The following TENM4 variants were observed in gnomAD, a reference collection of about 807,000 sequenced individuals.
TENM4 encodes teneurin transmembrane protein 4.
A neutral mutation model predicts 243.3 loss-of-function variants in TENM4; 82 were observed. That is an observed-to-expected ratio of 0.34 (90% CI 0.28 to 0.40). The LOEUF is 0.40. TENM4 is among the 10% of genes least tolerant of loss of function. The pLI is 1.00. For missense variants in TENM4, 3,138 were observed against 3,673.3 expected (o/e 0.85, Z 3.77); for synonymous variants, 1,412 against 1,456.3 (o/e 0.97, Z 0.69).
At chr11:78,661,659 TCA>T in intron 32 of TENM4, 68 bp from the exon 33 acceptor site, 1 of 1,572,444 alleles carries the variant, frequency 6.4e-7, no homozygotes, top group Non-Finnish European at 8.6e-7. Flanking sequence ...CATCCCCATC[TCA>T]CAGCCTACAG....
At chr11:79,003,373 A>G (rs1858385263) in intron 6 of TENM4, among the ~76,000 whole-genome samples, 1 of 145,396 alleles carries the variant, frequency 6.9e-6, no homozygotes, top group South Asian at 2.2e-4. Context: ...GGTCAAAATG[A>G]AAAAAAAAAA....
intron 1 of TENM4, among the ~76,000 whole-genome samples, chr11:79,310,571 G>A (rs1355996961): frequency 1.3e-5 from 2 of 152,128 alleles, no homozygotes; most frequent in African/African-American, 4.8e-5. Flanking sequence ...GAGAAGAGAA[G>A]GCAGGACTGA....
intron 2 of TENM4, among the ~76,000 whole-genome samples, chr11:79,225,205 C>A (rs1411271127): frequency 2.0e-5 from 3 of 152,106 alleles, no homozygotes; most frequent in African/African-American, 7.2e-5. Flanking sequence ...CACTTTGTTC[C>A]GTCAGCCCTA....
At chr11:78,749,546 G>A (rs1007916446) in intron 19 of TENM4, among the ~76,000 whole-genome samples, 1 of 152,080 alleles carries the variant, frequency 6.6e-6, no homozygotes, top group Non-Finnish European at 1.5e-5. Flanking sequence ...CTAAAGCCTG[G>A]GTGGAGGTGT....
In TENM4 at chr11:78,903,441, G is replaced by C; in HGVS notation, c.576C>G (p.His192Gln). The change falls in exon 7 of 34, where the codon CAC (histidine) becomes CAG (glutamine). Residue 192 changes from histidine (H) to glutamine (Q), a missense_variant. Transcript: ENST00000278550. ...TCAGGGAGTTAATGGAGGCCGCGTG[G>C]TGCTGGTTGGGGGTGTGGGCGTGCG... Reference protein sequence around the residue: ...PLSHAHTPNQHHAASINSLNR... With the variant: ...PLSHAHTPNQQHAASINSLNR... 3 of 1,548,486 alleles carry C rather than the reference G, an allele frequency of 1.9e-6. No individual in the cohort carries two copies. The South Asian group carries it at 3.6e-5, about 18-fold the overall frequency.
At chr11:78,705,789 C>T (rs1442532402) in intron 27 of TENM4, among the ~76,000 whole-genome samples, 1 of 152,208 alleles carries the variant, frequency 6.6e-6, no homozygotes, top group Non-Finnish European at 1.5e-5. Context: ...TCCAGTTCCA[C>T]AATTGCTACA....
chr11:79,377,504 A>G (rs925876959), intron 1 of TENM4, among the ~76,000 whole-genome samples: 1 of 152,128 alleles, frequency 6.6e-6, no homozygotes, highest in African/African-American at 2.4e-5. Flanking sequence ...TCCCTAGCTG[A>G]TAAGATGGGA....
At chr11:78,975,729 A>G (rs1478753588) in intron 6 of TENM4, among the ~76,000 whole-genome samples, 1 of 149,252 alleles carries the variant, frequency 6.7e-6, no homozygotes, top group Non-Finnish European at 1.5e-5. Flanking sequence ...CTACTCAGAT[A>G]CTGGAGGAAT....
At chr11:79,140,151 C>T (rs1041757133) in intron 4 of TENM4, among the ~76,000 whole-genome samples, 14 of 152,016 alleles carry the variant, frequency 9.2e-5, no homozygotes, top group Non-Finnish European at 2.1e-4. Flanking sequence ...TCCCCAGAAT[C>T]ATAGGCAGTT....
intron 1 of TENM4, among the ~76,000 whole-genome samples, chr11:79,334,482 A>C (rs1012820096): frequency 6.6e-6 from 1 of 152,130 alleles, no homozygotes; most frequent in South Asian, 2.1e-4. Context: ...ACTTTCTAAC[A>C]CAGGGTCCTG....
chr11:78,816,543 T>C (rs1235492857), intron 12 of TENM4, among the ~76,000 whole-genome samples: 3 of 152,222 alleles, frequency 2.0e-5, no homozygotes, highest in Non-Finnish European at 4.4e-5. Flanking sequence ...GAGAATTCTA[T>C]AACTTTCAGA....
chr11:79,018,394 T>C (rs1285212819), intron 6 of TENM4, among the ~76,000 whole-genome samples: 1 of 152,038 alleles, frequency 6.6e-6, no homozygotes, highest in African/African-American at 2.4e-5. Flanking sequence ...TGCTTAAGGA[T>C]CAAGGTTGCT....
At chr11:78,903,192 C>T in intron 7 of TENM4, 76 bp downstream of exon 7, 3 of 1,438,688 alleles carry the variant, frequency 2.1e-6, no homozygotes, top group Non-Finnish European at 2.7e-6. Flanking sequence ...ACTGAATGGC[C>T]CCGCCAGCCA....
At chr11:78,708,972 T>TC (rs1565343118) in intron 26 of TENM4, among the ~76,000 whole-genome samples, 2 of 142,552 alleles carry the variant, frequency 1.4e-5, no homozygotes, top group African/African-American at 2.9e-5. Flanking sequence ...TTTCTTTCTT[T>TC]TTTTTTTTTT....
intron 4 of TENM4, among the ~76,000 whole-genome samples, chr11:79,098,706 G>A (rs1290377732): frequency 3.3e-5 from 5 of 152,226 alleles, no homozygotes; most frequent in African/African-American, 1.2e-4. Context: ...CTGGGCAAGC[G>A]ATGGGTCTTC....
chr11:79,430,250 G>T (rs1160709923), intron 1 of TENM4, among the ~76,000 whole-genome samples: 1 of 151,844 alleles, frequency 6.6e-6, no homozygotes, highest in African/African-American at 2.4e-5. Context: ...TCCTTGAGAG[G>T]AACAAGTAGC....
intron 3 of TENM4, among the ~76,000 whole-genome samples, chr11:79,160,689 T>C (rs1862725110): frequency 6.6e-6 from 1 of 152,184 alleles, no homozygotes; most frequent in South Asian, 2.1e-4. Context: ...GAATAAGTTG[T>C]CAGCAATATC....
chr11:79,047,827 C>T (rs182729815), intron 6 of TENM4, among the ~76,000 whole-genome samples: 6 of 151,992 alleles, frequency 3.9e-5, no homozygotes, highest in Admixed American at 1.3e-4. Flanking sequence ...AATTTTATAG[C>T]GATTTTAAGA....
At chr11:78,737,923 C>T (rs188448645) in intron 20 of TENM4, among the ~76,000 whole-genome samples, 38 of 152,310 alleles carry the variant, frequency 2.5e-4, no homozygotes, top group African/African-American at 7.9e-4. Flanking sequence ...GACCATTTAA[C>T]AGATGAAGCC....
Sources: gnomAD v4.1 joint callset for allele counts (sites outside exome capture counted in the v4.1 genomes callset) on GRCh38, gnomAD v4.1.1 for gene constraint, MANE v1.5 for transcripts, NCBI Gene and HGNC (gene_info 2026-07-23, HGNC 2026-07-21) for gene names.